Variants in SEMA6D observed in about 807,000 individuals in gnomAD.
The protein encoded by SEMA6D is semaphorin-6D.
SEMA6D carries 35 observed loss-of-function variants against 106.6 expected under a neutral mutation model. The ratio of observed to expected loss-of-function variants is 0.33; its 90% CI spans 0.25 to 0.44. The LOEUF is 0.44. SEMA6D is among the 20% of genes least tolerant of loss of function. The pLI is 1.00. For missense variants in SEMA6D, 1,185 were observed against 1,345.9 expected (o/e 0.88, Z 1.87); for synonymous variants, 499 against 487.7 (o/e 1.02, Z -0.31).
At chr15:47,621,139 C>T (rs563463478) in intron 4 of SEMA6D, among the ~76,000 whole-genome samples, 18 of 152,260 alleles carry the variant, frequency 1.2e-4, no homozygotes, top group African/African-American at 4.3e-4. Context: ...TAGATGGTAG[C>T]ATTTTCTCAA....
intron 1 of SEMA6D, among the ~76,000 whole-genome samples, chr15:47,351,057 G>A (rs769631219): frequency 6.6e-6 from 1 of 152,124 alleles, no homozygotes. Context: ...ACCCTGCCCA[G>A]CTGTCAAGCT....
chr15:47,759,954 C>T (rs769521524), intron 2 of SEMA6D, 47 bp downstream of exon 2: 2 of 1,380,012 alleles, frequency 1.4e-6, no homozygotes, highest in Admixed American at 3.4e-5. Context: ...GGAAGCTTTT[C>T]TGTTTTTCAT....
At chr15:47,709,631 C>T (rs1402455282) in intron 4 of SEMA6D, among the ~76,000 whole-genome samples, 9 of 152,106 alleles carry the variant, frequency 5.9e-5, no homozygotes, top group African/African-American at 2.2e-4. Flanking sequence ...ATCCTTGTCA[C>T]CTTGATTAGA....
chr15:47,539,012 C>G (rs1232628113), intron 3 of SEMA6D, among the ~76,000 whole-genome samples: 2 of 152,102 alleles, frequency 1.3e-5, no homozygotes, highest in South Asian at 2.1e-4. Context: ...CCTGAAAAAC[C>G]CTCTTCTTAT....
At chr15:47,210,997 CAT>C (rs1157937040) in intron 1 of SEMA6D, among the ~76,000 whole-genome samples, 1 of 151,680 alleles carries the variant, frequency 6.6e-6, no homozygotes, top group Non-Finnish European at 1.5e-5. Context: ...TAAAGTAACA[CAT>C]GTATATAATT....
chr15:47,253,077 A>G (rs1281087172), intron 1 of SEMA6D, among the ~76,000 whole-genome samples: 4 of 152,104 alleles, frequency 2.6e-5, no homozygotes, highest in African/African-American at 9.7e-5. Flanking sequence ...TGACTTTATG[A>G]TAATACCCAT....
Position 47,750,205 on chromosome 15 carries a change from A to G in SEMA6D, c.-54-9540A>G, listed in dbSNP as rs116219696. ...GGGGAATGGCTGTTTGTTTATAATG[A>G]TAGTGACTTGAAATGCTTGGATATT... On this transcript the variant is annotated intron_variant, in intron 1 of 18. Coordinates refer to ENST00000536845, the MANE Select transcript of SEMA6D (RefSeq NM_001358351.3). Among the ~76,000 whole-genome samples, 153 of 152,224 alleles carry G rather than the reference A, an allele frequency of 1.0e-3. 1 individual carries two copies. The highest frequency in any genetic ancestry group is 3.6e-3 in the African/African-American group (150 of 41,530).
At chr15:47,495,552 G>A (rs1018041976) in intron 3 of SEMA6D, among the ~76,000 whole-genome samples, 2 of 151,808 alleles carry the variant, frequency 1.3e-5, no homozygotes, top group Admixed American at 1.3e-4. Flanking sequence ...CGCAAATGTT[G>A]TAGAATTTGG....
chr15:47,513,892 CAA>C (rs1009208158), intron 3 of SEMA6D, among the ~76,000 whole-genome samples: 1 of 152,194 alleles, frequency 6.6e-6, no homozygotes, highest in African/African-American at 2.4e-5. Context: ...TCTGCCACCT[CAA>C]ATGGATGTTT....
chr15:47,642,676 ATGT>A (rs1321143594), intron 4 of SEMA6D, among the ~76,000 whole-genome samples: 1 of 152,134 alleles, frequency 6.6e-6, no homozygotes, highest in East Asian at 1.9e-4. Context: ...AAAGGGAATG[ATGT>A]TGTGGAGCAG....
chr15:47,280,414 C>G (rs1052308625), intron 1 of SEMA6D, among the ~76,000 whole-genome samples: 1 of 150,502 alleles, frequency 6.6e-6, no homozygotes, highest in Non-Finnish European at 1.5e-5. Flanking sequence ...TGATTCTTCT[C>G]TCTTTTTTTC....
At chr15:47,552,815 T>TATAAA (rs1364391258) in intron 3 of SEMA6D, among the ~76,000 whole-genome samples, 2 of 6,498 alleles carry the variant, frequency 3.1e-4, no homozygotes. Flanking sequence ...AAAATATATA[T>TATAAA]AAATATATAT....
chr15:47,684,966 A>G (rs2078438506), intron 4 of SEMA6D, among the ~76,000 whole-genome samples: 1 of 152,238 alleles, frequency 6.6e-6, no homozygotes, highest in South Asian at 2.1e-4. Flanking sequence ...AACATAAATG[A>G]TAAAGTGAAG....
At chr15:47,461,121 T>A (rs1258219741) in intron 2 of SEMA6D, among the ~76,000 whole-genome samples, 1 of 152,128 alleles carries the variant, frequency 6.6e-6, no homozygotes, top group African/African-American at 2.4e-5. Flanking sequence ...CCCAGACCAC[T>A]CTCTGCTTGG....
chr15:47,579,780 C>T (rs2076224461), intron 3 of SEMA6D, among the ~76,000 whole-genome samples: 1 of 151,934 alleles, frequency 6.6e-6, no homozygotes, highest in Non-Finnish European at 1.5e-5. Context: ...TGGTACTCAC[C>T]ATGTAATTAC....
At chr15:47,194,011 A>G (rs1894155703) in intron 1 of SEMA6D, among the ~76,000 whole-genome samples, 1 of 152,088 alleles carries the variant, frequency 6.6e-6, no homozygotes, top group Non-Finnish European at 1.5e-5. Context: ...AATACTTAAC[A>G]GAGAGTACAG....
chr15:47,375,315 C>T (rs1331634407), intron 1 of SEMA6D, among the ~76,000 whole-genome samples: 3 of 152,118 alleles, frequency 2.0e-5, no homozygotes, highest in Admixed American at 1.3e-4. Context: ...TTTTCAGCTG[C>T]CTGTTTGTCA....
chr15:47,387,391 T>G (rs1156384868), intron 1 of SEMA6D, among the ~76,000 whole-genome samples: 1 of 152,208 alleles, frequency 6.6e-6, no homozygotes, highest in Non-Finnish European at 1.5e-5. Context: ...GGAACTCAGA[T>G]TCAACCCTGG....
chr15:47,749,536 C>T (rs2082842852), intron 1 of SEMA6D, among the ~76,000 whole-genome samples: 1 of 152,204 alleles, frequency 6.6e-6, no homozygotes, highest in African/African-American at 2.4e-5. Context: ...CCCAAAGTCA[C>T]ATGGCTTGTA....
Sources: gnomAD v4.1 joint callset for allele counts (sites outside exome capture counted in the v4.1 genomes callset) on GRCh38, gnomAD v4.1.1 for gene constraint, MANE v1.5 for transcripts, NCBI Gene and HGNC (gene_info 2026-07-23, HGNC 2026-07-21) for gene names.